CEP83: variants seen among roughly 807,000 people sequenced by gnomAD.
The protein encoded by CEP83 is centrosomal protein of 83 kDa.
A neutral mutation model predicts 101.9 loss-of-function variants in CEP83; 70 were observed. That is an observed-to-expected ratio of 0.69 (90% CI 0.57 to 0.84). CEP83 has a LOEUF of 0.84. Among genes scored for constraint, CEP83 ranks in the 40% least tolerant of loss-of-function variants. The pLI is 0.00. For missense variants in CEP83, 715 were observed against 787.2 expected, an observed-to-expected ratio of 0.91 and a Z score of 1.10; for synonymous variants, 264 against 267.9, an observed-to-expected ratio of 0.99 and a Z score of 0.14.
chr12:94,289,720 C>A, the CEP83 span, among the ~76,000 whole-genome samples: 1 of 152,192 alleles, frequency 6.6e-6, no homozygotes, highest in African/African-American at 2.4e-5. Context: ...AAAACGGAAA[C>A]CTTTCCCCCA....
At chr12:94,375,615 T>C (rs1386912793) in intron 8 of CEP83, among the ~76,000 whole-genome samples, 1 of 152,154 alleles carries the variant, frequency 6.6e-6, no homozygotes, top group East Asian at 1.9e-4. Context: ...AGATTCTGCA[T>C]GTATTTGGAA....
chr12:94,303,834 A>C (rs772973759), downstream of CEP83: 2 of 1,611,980 alleles, frequency 1.2e-6, no homozygotes, highest in Non-Finnish European at 8.5e-7. Flanking sequence ...TTACAAAGCA[A>C]TCAGGGATTT....
intron 11 of CEP83, among the ~76,000 whole-genome samples, chr12:94,342,690 G>A (rs764656385): frequency 2.0e-5 from 3 of 151,706 alleles, no homozygotes; most frequent in Middle Eastern, 6.8e-3. Flanking sequence ...AAAGCAAAAC[G>A]ATTCAGAAAA....
intron 14 of CEP83, chr12:94,328,224 C>A: frequency 3.4e-6 from 1 of 290,614 alleles, no homozygotes; most frequent in Non-Finnish European, 6.9e-6. Context: ...TTCAAGAGAT[C>A]TCTCTTCAAT....
chr12:94,424,494 C>G (rs1031514221), intron 2 of CEP83: 2 of 1,613,826 alleles, frequency 1.2e-6, no homozygotes, highest in African/African-American at 2.7e-5. Flanking sequence ...ATAACCTGGC[C>G]AAAGGGCTTC....
In CEP83 at chr12:94,309,937, G is replaced by A. The variant is rs369393274; in HGVS notation, c.1982C>T (p.Pro661Leu). The change falls in exon 16 of 17, where the codon CCA (proline) becomes CTA (leucine). Residue 661 changes from proline (P) to leucine (L), a missense_variant. Transcript: ENST00000397809. ...TCATACCTGCATATGAGGAGGAAAT[G>A]GTAGTTCCATGCTTGGAACCATGGC... ...SSAMVPSMEL[P>L]FPPHMQEEQH... The A allele has an allele frequency of 6.8e-5, 109 of 1,602,184 alleles. No individual in the cohort carries two copies. Among genetic ancestry groups the A allele is most frequent in the Non-Finnish European group, 8.7e-5 (102 of 1,173,522 alleles).
rs1555235995 is a variant in CEP83 at position 94,376,690 on chromosome 12, T to TATACACACACACAC, written c.802-674_802-673insGTGTGTGTGTGTAT. 4.1e-3 allele frequency among the ~76,000 whole-genome samples: 478 copies of TATACACACACACAC among 117,282 alleles called. 1 individual carries two copies. The highest frequency in any genetic ancestry group is 0.011 in the South Asian group (36 of 3,306). The allele number at this position is 117,282 out of a possible 152,430, so 76.9% of individuals were successfully genotyped here. On this transcript the variant is annotated intron_variant, in intron 7 of 16. Transcript: ENST00000397809. Reference sequence around the variant, plus strand: ...ATTCAACATAATATATATACATATATACACACACACACACACACACACACA... The same window carrying TATACACACACACAC: ...ATTCAACATAATATATATACATATATATACACACACACACACACACACACACACACACACACACA...
At chr12:94,312,362 C>T (rs1003941260) in intron 15 of CEP83, among the ~76,000 whole-genome samples, 16 of 152,144 alleles carry the variant, frequency 1.1e-4, no homozygotes, top group African/African-American at 2.7e-4. Flanking sequence ...ATAGCCAAGG[C>T]GCTGAAGGCT....
chr12:94,300,648 CAA>C, the CEP83 span, among the ~76,000 whole-genome samples: 1 of 152,160 alleles, frequency 6.6e-6, no homozygotes, highest in Admixed American at 6.5e-5. Flanking sequence ...AGATTATAAT[CAA>C]GAGCTATCTG....
At chr12:94,300,675 C>A in the CEP83 span, among the ~76,000 whole-genome samples, 5 of 152,054 alleles carry the variant, frequency 3.3e-5, no homozygotes, top group Non-Finnish European at 7.4e-5. Flanking sequence ...AAATTCTTGC[C>A]CATGGCCACT....
chr12:94,413,319 C>A (rs1477512750), intron 2 of CEP83, among the ~76,000 whole-genome samples: 1 of 152,216 alleles, frequency 6.6e-6, no homozygotes, highest in Admixed American at 6.5e-5. Context: ...ATTAACCTAG[C>A]TCCACTAGAA....
chr12:94,370,104 A>T, intron 8 of CEP83, 68 bp from the exon 9 acceptor site: 1 of 875,464 alleles, frequency 1.1e-6, no homozygotes, highest in Non-Finnish European at 1.9e-6. Flanking sequence ...ACCCCAAAAC[A>T]TAAGTGGAAA....
At chr12:94,433,538 C>T (rs1053489665) in intron 2 of CEP83, among the ~76,000 whole-genome samples, 10 of 151,558 alleles carry the variant, frequency 6.6e-5, no homozygotes, top group Non-Finnish European at 1.0e-4. Flanking sequence ...AAAATTAGCC[C>T]GGTGTGGTAG....
intron 7 of CEP83, among the ~76,000 whole-genome samples, chr12:94,376,716 C>T (rs992577620): frequency 3.3e-5 from 4 of 122,664 alleles, no homozygotes; most frequent in African/African-American, 9.1e-5. Flanking sequence ...CACACACACA[C>T]ACACACACAC....
In CEP83 at chr12:94,412,378, T is replaced by A. The variant is rs1208270641; in HGVS notation, c.113A>T (p.Glu38Val). 1 of 1,613,298 alleles carries A rather than the reference T, an allele frequency of 6.2e-7. No individual in the cohort carries two copies. The highest frequency in any genetic ancestry group is 1.7e-5 in the Admixed American group (1 of 59,914). ...QSEFQKMLIDERLRCEHHKAN... is the reference protein window; with the variant it reads ...QSEFQKMLIDVRLRCEHHKAN... The stretch of plus-strand genomic sequence containing the variant: ...TTTATGATGCTCACATCGTAACCTT[T>A]CATCAATTAACATTTTCTGGAACTC... The change falls in exon 3 of 17, where the codon GAA (glutamate) becomes GTA (valine). Residue 38 changes from glutamate (E) to valine (V), a missense_variant. Glu to Val is a moderately radical substitution (Grantham distance 121). Transcript: ENST00000397809.
At chr12:94,387,882 AC>A (rs2062245210) in intron 6 of CEP83, among the ~76,000 whole-genome samples, 1 of 152,166 alleles carries the variant, frequency 6.6e-6, no homozygotes, top group Admixed American at 6.5e-5. Flanking sequence ...ACAATGAGAT[AC>A]CATCTCACAC....
At chr12:94,330,232 A>G (rs1237918046) in intron 14 of CEP83, among the ~76,000 whole-genome samples, 2 of 152,136 alleles carry the variant, frequency 1.3e-5, no homozygotes, top group Non-Finnish European at 2.9e-5. Context: ...GAATTTATCA[A>G]ATGAAGACAA....
At chr12:94,389,897 C>T (rs369661370) in intron 6 of CEP83, among the ~76,000 whole-genome samples, 9 of 152,228 alleles carry the variant, frequency 5.9e-5, no homozygotes, top group Admixed American at 2.6e-4. Context: ...AACTGCGAGG[C>T]GGCACCCTGG....
intron 11 of CEP83, among the ~76,000 whole-genome samples, chr12:94,353,400 C>T (rs770290858): frequency 2.0e-5 from 3 of 152,036 alleles, no homozygotes; most frequent in African/African-American, 7.2e-5. Context: ...TGAAAACATG[C>T]TAGTATAAAA....
Sources: gnomAD v4.1 joint callset for allele counts (sites outside exome capture counted in the v4.1 genomes callset) on GRCh38, gnomAD v4.1.1 for gene constraint, MANE v1.5 for transcripts, NCBI Gene and HGNC (gene_info 2026-07-23, HGNC 2026-07-21) for gene names.